Variants in RBFOX1 observed in about 807,000 individuals in gnomAD.
RBFOX1 encodes the protein RNA binding protein fox-1 homolog 1.
RBFOX1 carries 8 observed loss-of-function variants against 57.7 expected under a neutral mutation model. That is an observed-to-expected ratio of 0.14 (90% CI 0.08 to 0.25). RBFOX1 has a LOEUF of 0.25. Ranked by LOEUF, RBFOX1 falls within the 10% of genes least tolerant of loss-of-function variation. The pLI is 1.00. For missense variants in RBFOX1, 611 were observed against 548.5 expected (o/e 1.11, Z -1.14); for synonymous variants, 326 against 222.4 (o/e 1.47, Z -4.15).
intron 1 of RBFOX1, among the ~76,000 whole-genome samples, chr16:5,442,480 G>A (rs564463624): frequency 6.6e-6 from 1 of 152,336 alleles, no homozygotes; most frequent in African/African-American, 2.4e-5. Flanking sequence ...AGGCAGGGAG[G>A]TGACTGAGCA....
intron 2 of RBFOX1, among the ~76,000 whole-genome samples, chr16:5,581,616 G>A (rs912352354): frequency 1.3e-5 from 2 of 152,236 alleles, no homozygotes; most frequent in Non-Finnish European, 2.9e-5. Flanking sequence ...AAGGCTTCCT[G>A]GAGGAGGTGA....
intron 3 of RBFOX1, among the ~76,000 whole-genome samples, chr16:6,658,276 C>T (rs1445547647): frequency 6.6e-6 from 1 of 151,072 alleles, no homozygotes; most frequent in African/African-American, 2.4e-5. Flanking sequence ...CCCTCTGTCT[C>T]AAATCTGGAT....
intron 3 of RBFOX1, among the ~76,000 whole-genome samples, chr16:6,826,627 C>T (rs1055552971): frequency 2.0e-5 from 3 of 152,082 alleles, no homozygotes; most frequent in African/African-American, 4.8e-5. Flanking sequence ...ATTTTCCTTT[C>T]TTTTTTTTAA....
At chr16:7,481,356 A>G (rs191875111) in intron 4 of RBFOX1, among the ~76,000 whole-genome samples, 37 of 152,338 alleles carry the variant, frequency 2.4e-4, no homozygotes, top group African/African-American at 8.2e-4. Context: ...TGTAGAATGT[A>G]TGCACATATG....
rs2151950232 is a variant in RBFOX1 at position 7,129,791 on chromosome 16, C to G, written c.27+77693C>G. On this transcript the variant is annotated intron_variant, in intron 4 of 15. Transcript: ENST00000550418. Reference sequence around the variant, plus strand: ...TAGCTGCAAAGAGACATTTATCACACTGAAAAAAAAAATGAGTGAATGGTT... The same window carrying G: ...TAGCTGCAAAGAGACATTTATCACAGTGAAAAAAAAAATGAGTGAATGGTT... 3.7e-5 allele frequency among the ~76,000 whole-genome samples: 4 copies of G among 107,178 alleles called. No individual in the cohort carries two copies. The East Asian group carries it at 1.3e-3, about 34-fold the overall frequency. The allele number at this position is 107,178 out of a possible 152,430, so 70.3% of individuals were successfully genotyped here.
At chr16:7,446,146 A>C (rs2098805917) in intron 4 of RBFOX1, among the ~76,000 whole-genome samples, 1 of 152,202 alleles carries the variant, frequency 6.6e-6, no homozygotes, top group Non-Finnish European at 1.5e-5. Context: ...AACACCAGAG[A>C]AGGAAAGAGC....
intron 1 of RBFOX1, among the ~76,000 whole-genome samples, chr16:5,444,838 G>A (rs944093147): frequency 6.6e-6 from 1 of 152,184 alleles, no homozygotes; most frequent in African/African-American, 2.4e-5. Flanking sequence ...CATTCTTATA[G>A]GTCCAGGATA....
intron 4 of RBFOX1, among the ~76,000 whole-genome samples, chr16:7,463,680 G>A (rs924527150): frequency 1.3e-4 from 20 of 152,120 alleles, no homozygotes; most frequent in African/African-American, 4.8e-4. Context: ...GCCATGTAAG[G>A]TAACATATTT....
intron 1 of RBFOX1, among the ~76,000 whole-genome samples, chr16:5,299,471 A>T (rs1252075224): frequency 1.3e-5 from 2 of 152,252 alleles, no homozygotes; most frequent in African/African-American, 4.8e-5. Context: ...TTGCTGAGAC[A>T]TAGGGTAGAT....
intron 3 of RBFOX1, among the ~76,000 whole-genome samples, chr16:6,947,964 A>T (rs2079900095): frequency 6.6e-6 from 1 of 152,026 alleles, no homozygotes; most frequent in Non-Finnish European, 1.5e-5. Context: ...TTTTAAATAG[A>T]GACAGGCTCT....
chr16:7,454,308 C>A (rs746848020), intron 4 of RBFOX1, among the ~76,000 whole-genome samples: 1 of 152,150 alleles, frequency 6.6e-6, no homozygotes, highest in East Asian at 1.9e-4. Context: ...TGCCCAGGAT[C>A]GGTAGACAGA....
chr16:7,386,755 G>T (rs2097889829), intron 4 of RBFOX1, among the ~76,000 whole-genome samples: 1 of 152,150 alleles, frequency 6.6e-6, no homozygotes, highest in African/African-American at 2.4e-5. Flanking sequence ...TAATGGGATT[G>T]CTGGGTCTAA....
chr16:7,516,398 T>C (rs562143139), intron 4 of RBFOX1, among the ~76,000 whole-genome samples: 40 of 152,160 alleles, frequency 2.6e-4, no homozygotes, highest in African/African-American at 9.4e-4. Context: ...GACTGGGAGC[T>C]GGGTTCAACT....
chr16:5,397,352 A>C (rs1427788344), intron 1 of RBFOX1, among the ~76,000 whole-genome samples: 1 of 152,162 alleles, frequency 6.6e-6, no homozygotes, highest in African/African-American at 2.4e-5. Flanking sequence ...TTGGGCTCTG[A>C]GTGCTGGGAT....
chr16:7,170,941 T>G (rs1423686817), intron 4 of RBFOX1, among the ~76,000 whole-genome samples: 1 of 152,196 alleles, frequency 6.6e-6, no homozygotes, highest in African/African-American at 2.4e-5. Context: ...TATGACTTTA[T>G]TTGTATATCA....
At chr16:7,598,099 G>T (rs934902414) in intron 9 of RBFOX1, among the ~76,000 whole-genome samples, 3 of 152,076 alleles carry the variant, frequency 2.0e-5, no homozygotes, top group African/African-American at 7.2e-5. Flanking sequence ...TGAACATTTT[G>T]ATTCTTTAAT....
chr16:5,379,640 G>C (rs1226171632), intron 1 of RBFOX1, among the ~76,000 whole-genome samples: 1 of 152,140 alleles, frequency 6.6e-6, no homozygotes, highest in Non-Finnish European at 1.5e-5. Context: ...ATGAGCTCCA[G>C]CCACCAAATC....
rs146688948 is a variant in RBFOX1, at chr16:5,693,064, C to T, written c.318+94103C>T. On this transcript the variant is annotated intron_variant, in intron 3 of 19. Coordinates refer to the RBFOX1 transcript ENST00000641259. Reference sequence around the variant, plus strand: ...TTAAGTATGGAAGTTTGTATCTTCCCGAGAAGGCAGTATTCTGGTTGCTAT... The same window carrying T: ...TTAAGTATGGAAGTTTGTATCTTCCTGAGAAGGCAGTATTCTGGTTGCTAT... 1.6e-3 allele frequency among the ~76,000 whole-genome samples: 243 copies of T among 152,268 alleles called. 1 individual carries two copies. Among genetic ancestry groups the T allele is most frequent in the African/African-American group, 5.4e-3 (226 of 41,554 alleles).
At position 6,027,765 on chromosome 16, in the gene RBFOX1, G is replaced by T. The variant is rs148725992; in HGVS notation, c.-127+7773G>T. Among the ~76,000 whole-genome samples the T allele has an allele frequency of 2.6e-4, 39 of 152,204 alleles. No individual in the cohort carries two copies. In the East Asian group the frequency reaches 5.2e-3, roughly 20 times the overall value. ...CACAATCCCTTTGGGCAGCAAATTG[G>T]TCCCAGAATGTGCTTCGTATATTTT... On this transcript the variant is annotated intron_variant, in intron 1 of 15. Transcript: ENST00000550418.
Sources: gnomAD v4.1 joint callset for allele counts (sites outside exome capture counted in the v4.1 genomes callset) on GRCh38, gnomAD v4.1.1 for gene constraint, MANE v1.5 for transcripts, NCBI Gene and HGNC (gene_info 2026-07-23, HGNC 2026-07-21) for gene names.